TNIK: variants seen among roughly 807,000 people sequenced by gnomAD.
TNIK encodes the protein TRAF2 and NCK interacting kinase.
Under a neutral mutation model 191.3 loss-of-function variants are expected in TNIK, and 49 were observed. The observed-to-expected ratio is 0.26, with a 90% CI of 0.20 to 0.32. The LOEUF (loss-of-function observed/expected upper bound fraction) is 0.32. Among genes scored for constraint, TNIK ranks in the 10% least tolerant of loss-of-function variants. TNIK has a pLI of 1.00. For missense variants in TNIK, 1,155 were observed against 1,702.3 expected (o/e 0.68, Z 5.66); for synonymous variants, 594 against 600.9 (o/e 0.99, Z 0.17).
At chr3:171,171,391 C>G (rs79000526) in intron 9 of TNIK, among the ~76,000 whole-genome samples, 1 of 152,010 alleles carries the variant, frequency 6.6e-6, no homozygotes, top group Non-Finnish European at 1.5e-5. Context: ...GATTTTTAGC[C>G]TTGGAGCAAA....
At chr3:171,259,126 G>C (rs1257530326) in intron 2 of TNIK, among the ~76,000 whole-genome samples, 1 of 152,194 alleles carries the variant, frequency 6.6e-6, no homozygotes, top group Non-Finnish European at 1.5e-5. Context: ...GCACACGAGA[G>C]AGAGAGAGTG....
At chr3:171,424,113 T>C (rs1185468908) in intron 1 of TNIK, among the ~76,000 whole-genome samples, 1 of 152,048 alleles carries the variant, frequency 6.6e-6, no homozygotes, top group Non-Finnish European at 1.5e-5. Context: ...CCAGAATCTA[T>C]AATGAACTCA....
At chr3:171,218,985 T>C (rs1489816867) in intron 3 of TNIK, among the ~76,000 whole-genome samples, 1 of 128,754 alleles carries the variant, frequency 7.8e-6, no homozygotes, top group Non-Finnish European at 1.6e-5. Context: ...ATATTTATAT[T>C]AAATTATTAC....
chr3:171,396,260 A>G (rs756213940), intron 1 of TNIK, among the ~76,000 whole-genome samples: 5 of 152,216 alleles, frequency 3.3e-5, no homozygotes, highest in Admixed American at 2.0e-4. Flanking sequence ...TTGTAAGTTC[A>G]TTCACATAGT....
intron 2 of TNIK, among the ~76,000 whole-genome samples, chr3:171,295,160 A>G (rs940066565): frequency 1.3e-5 from 2 of 152,210 alleles, no homozygotes; most frequent in Non-Finnish European, 2.9e-5. Context: ...CAGGCCAGGA[A>G]ATGGGTCTGA....
chr3:171,258,934 C>A (rs1188997349), intron 2 of TNIK, among the ~76,000 whole-genome samples: 3 of 152,136 alleles, frequency 2.0e-5, no homozygotes, highest in Non-Finnish European at 4.4e-5. Context: ...AATAATCAGA[C>A]ACATGTGCGC....
chr3:171,237,067 C>G (rs1744363863), intron 2 of TNIK, among the ~76,000 whole-genome samples: 1 of 152,178 alleles, frequency 6.6e-6, no homozygotes, highest in Admixed American at 6.5e-5. Flanking sequence ...GCAGCAGCAG[C>G]AGGAGCAGTC....
intron 10 of TNIK, among the ~76,000 whole-genome samples, chr3:171,165,703 A>T (rs1014591107): frequency 2.0e-5 from 3 of 152,226 alleles, no homozygotes; most frequent in African/African-American, 7.2e-5. Flanking sequence ...GGAAGCAAGA[A>T]CAAGCACATC....
At chr3:171,176,703 G>A (rs549309250) in intron 8 of TNIK, among the ~76,000 whole-genome samples, 29 of 152,350 alleles carry the variant, frequency 1.9e-4, no homozygotes, top group African/African-American at 7.0e-4. Flanking sequence ...CCCTTGAAAG[G>A]TGCGGCCTGC....
At chr3:171,316,610 G>A (rs532988934) in intron 2 of TNIK, among the ~76,000 whole-genome samples, 1 of 152,198 alleles carries the variant, frequency 6.6e-6, no homozygotes, top group Admixed American at 6.6e-5. Context: ...GGATGAAAAG[G>A]GGAAGAAAGG....
intron 2 of TNIK, 111 bp from the exon 3 acceptor site, chr3:171,228,332 G>C: frequency 9.4e-7 from 1 of 1,069,216 alleles, no homozygotes. Flanking sequence ...TGTCAATGGG[G>C]GGAGAGAGAA....
intron 25 of TNIK, 22 bp downstream of exon 25, chr3:171,085,096 A>G (rs779975768): frequency 6.3e-7 from 1 of 1,577,524 alleles, no homozygotes; most frequent in South Asian, 1.2e-5. Context: ...TGTTTTTTAA[A>G]CACAGGGCCC....
At chr3:171,304,632 T>C (rs1753222065) in intron 2 of TNIK, among the ~76,000 whole-genome samples, 1 of 152,162 alleles carries the variant, frequency 6.6e-6, no homozygotes, top group Admixed American at 6.6e-5. Context: ...CATGATAGAC[T>C]GGATTAAGAA....
chr3:171,084,894 C>T (rs1341260313), intron 25 of TNIK, among the ~76,000 whole-genome samples: 2 of 152,088 alleles, frequency 1.3e-5, no homozygotes, highest in African/African-American at 4.8e-5. Flanking sequence ...CTATGTACCC[C>T]TGGGTCTACC....
At chr3:171,432,538 C>A (rs140278019) in intron 1 of TNIK, among the ~76,000 whole-genome samples, 2 of 152,240 alleles carry the variant, frequency 1.3e-5, no homozygotes, top group African/African-American at 2.4e-5. Context: ...ACTAACCAGA[C>A]GGAAAATCAG....
chr3:171,255,353 G>A (rs973731137), intron 2 of TNIK, among the ~76,000 whole-genome samples: 2 of 152,116 alleles, frequency 1.3e-5, no homozygotes, highest in Non-Finnish European at 1.5e-5. Context: ...AAAGCTCCCT[G>A]GGTGACAAAT....
chr3:171,422,555 A>G (rs1560052972), intron 1 of TNIK, among the ~76,000 whole-genome samples: 1 of 152,160 alleles, frequency 6.6e-6, no homozygotes, highest in Non-Finnish European at 1.5e-5. Context: ...TTGTTAATGT[A>G]TTTTTTAAAT....
At chr3:171,391,952 T>C (rs1259876365) in intron 1 of TNIK, among the ~76,000 whole-genome samples, 2 of 152,134 alleles carry the variant, frequency 1.3e-5, no homozygotes, top group East Asian at 3.9e-4. Context: ...GACCATAAGA[T>C]GTAAAGGACA....
At chr3:171,079,404 G>A in intron 28 of TNIK, 114 bp downstream of exon 28, 1 of 1,238,714 alleles carries the variant, frequency 8.1e-7, no homozygotes, top group East Asian at 2.5e-5. Flanking sequence ...AGCAACATCT[G>A]AAGCTGGTCA....
Sources: gnomAD v4.1 joint callset for allele counts (sites outside exome capture counted in the v4.1 genomes callset) on GRCh38, gnomAD v4.1.1 for gene constraint, MANE v1.5 for transcripts, NCBI Gene and HGNC (gene_info 2026-07-23, HGNC 2026-07-21) for gene names.